Variants in TAB2 observed in about 807,000 individuals in gnomAD.
TAB2 encodes the protein TGF-beta-activated kinase 1 and MAP3K7-binding protein 2.
A neutral mutation model predicts 65.0 loss-of-function variants in TAB2; 3 were observed. The observed-to-expected ratio is 0.05, with a 90% CI of 0.02 to 0.12. TAB2 has a LOEUF of 0.12. TAB2 is among the 10% of genes least tolerant of loss of function. TAB2 has a pLI of 1.00. For missense variants in TAB2, 623 were observed against 840.3 expected (o/e 0.74, Z 3.20); for synonymous variants, 298 against 285.1 (o/e 1.05, Z -0.46).
chr6:149,275,115 CTCT>C (rs139764956), intron 1 of TAB2, among the ~76,000 whole-genome samples: 18,049 of 130,880 alleles, frequency 0.14, 1,483 homozygotes, highest in East Asian at 0.2. Flanking sequence ...AATTTTTTTT[CTCT>C]TCTTCTGTTT....
At chr6:149,283,947 G>C (rs942968642) in intron 1 of TAB2, among the ~76,000 whole-genome samples, 2 of 152,198 alleles carry the variant, frequency 1.3e-5, no homozygotes, top group Non-Finnish European at 2.9e-5. Context: ...AATTTTGTAA[G>C]TGTGTTAACA....
chr6:149,345,928 A>G (rs1441321310), intron 1 of TAB2, among the ~76,000 whole-genome samples: 1 of 152,202 alleles, frequency 6.6e-6, no homozygotes, highest in African/African-American at 2.4e-5. Flanking sequence ...AAACAACAAC[A>G]ACAAAAAGCT....
chr6:149,334,113 A>G (rs1008403547), intron 1 of TAB2, among the ~76,000 whole-genome samples: 6 of 152,184 alleles, frequency 3.9e-5, no homozygotes, highest in African/African-American at 9.6e-5. Context: ...TTTAAACTTT[A>G]TAATCATTTT....
In TAB2 at chr6:149,385,344, T is replaced by C. The variant is rs535734661; in HGVS notation, c.1603+5826T>C. Among the ~76,000 whole-genome samples the C allele has an allele frequency of 3.3e-5, 5 of 152,382 alleles. No homozygotes were observed. The South Asian group carries it at 1.0e-3, about 32-fold the overall frequency. ...TTTCATTGGAAATACCTTTTTGTTATTCTTTGTTGACATTGAAATCACTTT... is the reference window on the plus strand; with the variant it reads ...TTTCATTGGAAATACCTTTTTGTTACTCTTTGTTGACATTGAAATCACTTT... On this transcript the variant is annotated intron_variant, in intron 3 of 6. Coordinates refer to ENST00000637181, the MANE Select transcript of TAB2 (RefSeq NM_001292034.3).
intron 6 of TAB2, among the ~76,000 whole-genome samples, chr6:149,406,239 A>G (rs1330229462): frequency 6.6e-6 from 1 of 152,322 alleles, no homozygotes; most frequent in East Asian, 1.9e-4. Context: ...GATAAAAATT[A>G]TTTGTGTTAC....
At chr6:149,250,162 C>A (rs1777829050) in intron 1 of TAB2, among the ~76,000 whole-genome samples, 2 of 152,044 alleles carry the variant, frequency 1.3e-5, no homozygotes. Flanking sequence ...CCAGAGTATA[C>A]AGATCTTGAA....
At chr6:149,381,880 C>T (rs1281366318) in intron 3 of TAB2, among the ~76,000 whole-genome samples, 3 of 152,062 alleles carry the variant, frequency 2.0e-5, no homozygotes, top group African/African-American at 7.2e-5. Context: ...CCTGTGACTT[C>T]TTACTTCCCC....
At chr6:149,385,783 G>T (rs867749381) in intron 3 of TAB2, among the ~76,000 whole-genome samples, 10 of 151,944 alleles carry the variant, frequency 6.6e-5, no homozygotes, top group Admixed American at 4.6e-4. Context: ...AGCATATTCT[G>T]GTTTTGGAGA....
chr6:149,312,152 A>G (rs1436911632), intron 1 of TAB2, among the ~76,000 whole-genome samples: 7 of 152,358 alleles, frequency 4.6e-5, no homozygotes, highest in Admixed American at 3.9e-4. Flanking sequence ...TCTCTGAAAT[A>G]AATTTTTTAA....
rs763586712 is a variant in TAB2, at chr6:149,379,291, A to G, written c.1376A>G (p.Asn459Ser). ...CCTCGAGTGGTAGTCACTCAGCCCA[A>G]TACGAAATACACTTTCAAAATTACA... is the stretch of plus-strand genomic sequence containing the variant. ...TSPRVVVTQP[N>S]TKYTFKITVS... is the part of the protein sequence containing the mutation. The change falls in exon 3 of 7, where the codon AAT becomes AGT. Residue 459 changes from asparagine to serine, a missense_variant. By Grantham distance (46) the Asn-to-Ser change is conservative (BLOSUM62 1). Transcript: ENST00000637181. 6.8e-6 allele frequency: 11 copies of G among 1,614,182 alleles called. No homozygotes were observed. The highest frequency in any genetic ancestry group is 2.2e-5 in the East Asian group (1 of 44,886).
chr6:149,363,679 A>G (rs528552521), intron 1 of TAB2, among the ~76,000 whole-genome samples: 19 of 152,296 alleles, frequency 1.2e-4, no homozygotes, highest in African/African-American at 3.9e-4. Flanking sequence ...ATAACTAATG[A>G]TATATTTAAA....
At position 149,308,700 on chromosome 6, in the gene TAB2, G is replaced by T. The variant is rs367756012; in HGVS notation, c.-120-69318G>T. ...TGTGCCACCACGCCTGACTAATTTTGTATTTTTAGTAGAGAGAGGGTTTCA... is the reference window on the plus strand; with the variant it reads ...TGTGCCACCACGCCTGACTAATTTTTTATTTTTAGTAGAGAGAGGGTTTCA... On this transcript the variant is annotated intron_variant, in intron 1 of 1. Transcript: ENST00000606202. 1.2e-4 allele frequency among the ~76,000 whole-genome samples: 18 copies of T among 151,868 alleles called. No homozygotes were observed. The South Asian group carries it at 2.9e-3, about 25-fold the overall frequency.
At chr6:149,297,425 A>T (rs1377615467) in intron 1 of TAB2, among the ~76,000 whole-genome samples, 1 of 152,254 alleles carries the variant, frequency 6.6e-6, no homozygotes, top group African/African-American at 2.4e-5. Context: ...TTGGGTAAGA[A>T]GAGGAACTCA....
chr6:149,325,886 C>T (rs143329040), intron 1 of TAB2, among the ~76,000 whole-genome samples: 1 of 152,106 alleles, frequency 6.6e-6, no homozygotes, highest in African/African-American at 2.4e-5. Context: ...ATTACAGATG[C>T]GTACCACAAC....
intron 1 of TAB2, among the ~76,000 whole-genome samples, chr6:149,352,261 T>C (rs927752552): frequency 6.6e-6 from 1 of 152,190 alleles, no homozygotes; most frequent in Non-Finnish European, 1.5e-5. Context: ...TTTTATTTTA[T>C]AATAAGCTTC....
At chr6:149,397,520 A>T (rs35413458) in intron 3 of TAB2, 84 bp from the exon 4 acceptor site, 638 of 1,488,382 alleles carry the variant, frequency 4.3e-4, no homozygotes, top group Non-Finnish European at 5.8e-4. Context: ...ATTTCTGACA[A>T]ATTCTTGTTT....
chr6:149,218,399 G>T (rs963281932), upstream of TAB2, among the ~76,000 whole-genome samples: 3 of 152,084 alleles, frequency 2.0e-5, no homozygotes, highest in Non-Finnish European at 4.4e-5. Flanking sequence ...CTTAATCAGG[G>T]ACAAAAAAGA....
At chr6:149,297,303 C>T (rs988948740) in intron 1 of TAB2, among the ~76,000 whole-genome samples, 24 of 152,194 alleles carry the variant, frequency 1.6e-4, no homozygotes, top group African/African-American at 4.6e-4. Flanking sequence ...ATTTTAAATT[C>T]AGGATCCAAT....
At chr6:149,326,712 TA>T (rs1779632436) in intron 1 of TAB2, among the ~76,000 whole-genome samples, 1 of 152,104 alleles carries the variant, frequency 6.6e-6, no homozygotes, top group South Asian at 2.1e-4. Flanking sequence ...CCTGCCTGGC[TA>T]ATTTTTGTAT....
Sources: gnomAD v4.1 joint callset for allele counts (sites outside exome capture counted in the v4.1 genomes callset) on GRCh38, gnomAD v4.1.1 for gene constraint, MANE v1.5 for transcripts, NCBI Gene and HGNC (gene_info 2026-07-23, HGNC 2026-07-21) for gene names.